The following KCNH7 variants were observed in gnomAD, a reference collection of about 807,000 sequenced individuals.
KCNH7 encodes voltage-gated inwardly rectifying potassium channel KCNH7.
A neutral mutation model predicts 120.8 loss-of-function variants in KCNH7; 49 were observed. That is an observed-to-expected ratio of 0.41 (90% CI 0.32 to 0.51). The LOEUF (loss-of-function observed/expected upper bound fraction) is 0.51, where lower values mean the gene tolerates loss of function less well. KCNH7 is among the 20% of genes least tolerant of loss of function. The pLI is 0.38. For missense variants in KCNH7, 1,097 were observed against 1,446.6 expected (o/e 0.76, Z 3.92); for synonymous variants, 547 against 516.1 (o/e 1.06, Z -0.81).
chr2:162,782,457 G>A (rs1425898334), intron 2 of KCNH7, among the ~76,000 whole-genome samples: 1 of 152,144 alleles, frequency 6.6e-6, no homozygotes, highest in Non-Finnish European at 1.5e-5. Context: ...AACAGCAAGT[G>A]CACAGGCACT....
At chr2:162,774,309 C>T (rs1007867297) in intron 2 of KCNH7, among the ~76,000 whole-genome samples, 36 of 151,952 alleles carry the variant, frequency 2.4e-4, no homozygotes, top group African/African-American at 8.7e-4. Flanking sequence ...TTATTACTTG[C>T]TTTTATAATG....
chr2:162,658,980 A>T (rs1016316099), intron 2 of KCNH7, among the ~76,000 whole-genome samples: 5 of 152,002 alleles, frequency 3.3e-5, no homozygotes, highest in African/African-American at 1.2e-4. Flanking sequence ...GTCTTGTTGC[A>T]TTAGTTAGGA....
intron 5 of KCNH7, among the ~76,000 whole-genome samples, chr2:162,510,116 A>G (rs1227577513): frequency 6.6e-6 from 1 of 151,570 alleles, no homozygotes; most frequent in South Asian, 2.1e-4. Context: ...TAATACATAC[A>G]TATGTATATG....
At chr2:162,766,169 A>ATG (rs1410196787) in intron 2 of KCNH7, among the ~76,000 whole-genome samples, 10 of 152,026 alleles carry the variant, frequency 6.6e-5, no homozygotes, top group South Asian at 2.1e-4. Flanking sequence ...TTCTTTTTAA[A>ATG]TGTGTGTGTG....
At chr2:162,519,367 A>T (rs936985867) in intron 3 of KCNH7, among the ~76,000 whole-genome samples, 1 of 151,880 alleles carries the variant, frequency 6.6e-6, no homozygotes, top group Admixed American at 6.6e-5. Flanking sequence ...GTTAAGTAAA[A>T]AAAGCAAGTT....
chr2:162,597,517 G>A (rs1694418306), intron 2 of KCNH7, among the ~76,000 whole-genome samples: 1 of 152,058 alleles, frequency 6.6e-6, no homozygotes, highest in African/African-American at 2.4e-5. Flanking sequence ...GTAGAATGGT[G>A]CTTATCAGAG....
At chr2:162,379,306 G>A (rs1428502350) in intron 14 of KCNH7, among the ~76,000 whole-genome samples, 8 of 152,216 alleles carry the variant, frequency 5.3e-5, no homozygotes, top group East Asian at 1.9e-4. Flanking sequence ...TTAGGGGAAG[G>A]GATTACCTCC....
At chr2:162,832,239 T>G (rs1299297581) in intron 2 of KCNH7, among the ~76,000 whole-genome samples, 5 of 152,158 alleles carry the variant, frequency 3.3e-5, no homozygotes, top group East Asian at 1.9e-4. Flanking sequence ...ACATAAAATA[T>G]ATTTTTGTTC....
chr2:162,559,054 CA>C (rs780823559), intron 2 of KCNH7, among the ~76,000 whole-genome samples: 566 of 37,136 alleles, frequency 0.015, 3 homozygotes, highest in South Asian at 0.038. Context: ...GACTCTGCCT[CA>C]AAAAAAAAAA....
chr2:162,614,211 T>C (rs1044385456), intron 2 of KCNH7, among the ~76,000 whole-genome samples: 3 of 151,802 alleles, frequency 2.0e-5, no homozygotes, highest in African/African-American at 7.3e-5. Context: ...AAACCATAAT[T>C]TTGCAAAATA....
At chr2:162,785,953 G>C (rs1683684261) in intron 2 of KCNH7, among the ~76,000 whole-genome samples, 1 of 151,992 alleles carries the variant, frequency 6.6e-6, no homozygotes, top group African/African-American at 2.4e-5. Context: ...GTTAAAACTA[G>C]TAGTATGGGC....
chr2:162,423,444 T>A lies in KCNH7; in HGVS notation c.2046A>T (p.Arg682=), dbSNP rs932278975. The change falls in exon 9 of 16, where the codon CGA becomes CGT. Residue 682 remains arginine (R), a synonymous_variant. Coordinates refer to ENST00000332142, the MANE Select transcript of KCNH7 (RefSeq NM_033272.4). Reference sequence around the variant, plus strand: ...GGTGAAAGCGAATGAACTCTTTTACTCGCAGCATCTGCATGTGGTACCTGG... The same window carrying A: ...GGTGAAAGCGAATGAACTCTTTTACACGCAGCATCTGCATGTGGTACCTGG... The part of the protein sequence containing the change: ...GTARYHMQML[R]VKEFIRFHQI... The A allele has an allele frequency of 5.0e-6, 8 of 1,614,136 alleles. No homozygotes were observed. Among genetic ancestry groups the A allele is most frequent in the Non-Finnish European group, 6.8e-6 (8 of 1,179,958 alleles).
chr2:162,644,065 T>C (rs1038429341), intron 2 of KCNH7, among the ~76,000 whole-genome samples: 2 of 152,062 alleles, frequency 1.3e-5, no homozygotes, highest in African/African-American at 4.8e-5. Context: ...TGTTTCTTTC[T>C]TACCTGCTTT....
At chr2:162,708,203 C>T (rs987943860) in intron 2 of KCNH7, among the ~76,000 whole-genome samples, 1 of 151,822 alleles carries the variant, frequency 6.6e-6, no homozygotes, top group African/African-American at 2.4e-5. Context: ...AATATATTGT[C>T]AAATAAACAT....
At chr2:162,669,874 C>G (rs935714908) in intron 2 of KCNH7, among the ~76,000 whole-genome samples, 1 of 151,966 alleles carries the variant, frequency 6.6e-6, no homozygotes, top group Non-Finnish European at 1.5e-5. Flanking sequence ...CCGAGGCGGG[C>G]GGATAACCTG....
At chr2:162,412,556 T>C (rs2105468185) in intron 9 of KCNH7, among the ~76,000 whole-genome samples, 1 of 152,274 alleles carries the variant, frequency 6.6e-6, no homozygotes, top group African/African-American at 2.4e-5. Context: ...GGCCAGCTAC[T>C]GACAAACATT....
rs372614258 is a variant in KCNH7 at position 162,769,669 on chromosome 2, A to G, written c.307+66868T>C. 1.1e-4 allele frequency among the ~76,000 whole-genome samples: 16 copies of G among 152,020 alleles called. No individual in the cohort carries two copies. The East Asian group carries it at 2.9e-3, about 28-fold the overall frequency. ...TACATATTCTATATATAGTTTATAT[A>G]TATTATGCATACATATATATGTTAG... On this transcript the variant is annotated intron_variant, in intron 2 of 15. Coordinates refer to ENST00000332142, the MANE Select transcript of KCNH7 (RefSeq NM_033272.4).
At chr2:162,829,739 T>G (rs1481607009) in intron 2 of KCNH7, among the ~76,000 whole-genome samples, 1 of 150,400 alleles carries the variant, frequency 6.6e-6, no homozygotes, top group East Asian at 2.0e-4. Context: ...AAAATTATGG[T>G]AAAAATTGTT....
chr2:162,501,185 C>T (rs1690674471), intron 6 of KCNH7, among the ~76,000 whole-genome samples: 1 of 152,004 alleles, frequency 6.6e-6, no homozygotes, highest in Non-Finnish European at 1.5e-5. Context: ...TTCCCAGTTT[C>T]TGGTCTCAGC....
Sources: allele counts gnomAD v4.1 joint callset (sites outside exome capture counted in the v4.1 genomes callset), GRCh38; gene constraint gnomAD v4.1.1; transcripts MANE v1.5; gene names NCBI Gene and HGNC (gene_info 2026-07-23, HGNC 2026-07-21).